Variants in NIPBL observed in about 807,000 individuals in gnomAD.
The protein encoded by NIPBL is nipped-B-like protein.
Under a neutral mutation model 321.8 loss-of-function variants are expected in NIPBL, and 19 were observed. The observed-to-expected ratio is 0.06, with a 90% CI of 0.04 to 0.09. NIPBL has a LOEUF of 0.09. NIPBL is among the 10% of genes least tolerant of loss of function. The pLI is 1.00. For missense variants in NIPBL, 2,210 were observed against 3,327.0 expected (o/e 0.66, Z 8.26); for synonymous variants, 1,106 against 1,114.1 (o/e 0.99, Z 0.14).
At chr5:36,886,613 A>G (rs542224701) in intron 1 of NIPBL, 1 of 531,274 alleles carries the variant, frequency 1.9e-6, no homozygotes, top group African/African-American at 1.9e-5. Flanking sequence ...AAATTTTTTT[A>G]ATATGTCAGG....
chr5:37,015,945 AAACTT>A (rs1352757800), intron 22 of NIPBL, 88 bp from the exon 23 acceptor site: 21 of 1,295,526 alleles, frequency 1.6e-5, no homozygotes, highest in East Asian at 4.6e-5. Flanking sequence ...AGAAAAAAGA[AAACTT>A]AGCTAACAAT....
intron 1 of NIPBL, among the ~76,000 whole-genome samples, chr5:36,878,521 G>A (rs1745267025): frequency 6.6e-6 from 1 of 152,200 alleles, no homozygotes; most frequent in Non-Finnish European, 1.5e-5. Flanking sequence ...ATTCGCTGAA[G>A]GAAAACTTTC....
intron 32 of NIPBL, among the ~76,000 whole-genome samples, chr5:37,035,065 G>A (rs1315081831): frequency 5.3e-5 from 8 of 152,178 alleles, no homozygotes; most frequent in Non-Finnish European, 8.8e-5. Context: ...TAAGGCAGGC[G>A]GATCACTTGA....
chr5:36,895,970 A>G (rs898107363), intron 1 of NIPBL, among the ~76,000 whole-genome samples: 14 of 152,242 alleles, frequency 9.2e-5, no homozygotes, highest in East Asian at 3.9e-4. Context: ...AAAGATCTCT[A>G]TTGTTTTCCT....
chr5:37,010,169 G>T lies in NIPBL; in HGVS notation c.4504G>T (p.Val1502Leu). The change falls in exon 21 of 47, where the codon GTA (valine) becomes TTA (leucine). Residue 1502 changes from valine (V) to leucine (L), a missense_variant. Around this residue, in one of 14 missense-constraint regions of NIPBL, gnomAD observed 381 missense variants for 642.3 expected, o/e 0.59. Coordinates refer to ENST00000282516, the MANE Select transcript of NIPBL (RefSeq NM_133433.4). The part of the protein sequence containing the change: ...ALVLQLIQCV[V>L]HLPSSEKDSN... Reference sequence around the variant, plus strand: ...GGTTTTACAACTTATTCAGTGTGTGGTACACTTACCATCATCAGAGAAGGA... The same window carrying T: ...GGTTTTACAACTTATTCAGTGTGTGTTACACTTACCATCATCAGAGAAGGA... The T allele has an allele frequency of 6.2e-7, 1 of 1,610,450 alleles. No individual in the cohort carries two copies. The highest frequency in any genetic ancestry group is 8.5e-7 in the Non-Finnish European group (1 of 1,176,826).
At chr5:36,960,380 A>G (rs1741478302) in intron 4 of NIPBL, among the ~76,000 whole-genome samples, 1 of 151,834 alleles carries the variant, frequency 6.6e-6, no homozygotes, top group Admixed American at 6.5e-5. Context: ...AGAAAAAAAA[A>G]AAAACCTCCA....
At chr5:36,889,746 A>C (rs1002920370) in intron 1 of NIPBL, among the ~76,000 whole-genome samples, 2 of 152,168 alleles carry the variant, frequency 1.3e-5, no homozygotes, top group South Asian at 4.1e-4. Context: ...TGTTTTATAA[A>C]AATTTTATAA....
rs148555006 is a variant in NIPBL at position 36,999,300 on chromosome 5, C to A, written c.3305-1073C>A. 4.1e-3 allele frequency among the ~76,000 whole-genome samples: 630 copies of A among 152,256 alleles called. 4 individuals carry two copies. Among genetic ancestry groups the A allele is most frequent in the African/African-American group, 0.015 (608 of 41,546 alleles). ...GATTCAGAAAAGAGCAGTTGCTAGT[C>A]AAATAACAGACTAGAAAGTTTATCA... On this transcript the variant is annotated intron_variant, in intron 11 of 46. Transcript: ENST00000282516.
At position 36,985,490 on chromosome 5, in the gene NIPBL, G is replaced by A. The variant is rs1294397303; in HGVS notation, c.2310G>A (p.Lys770=). 1.9e-6 allele frequency: 3 copies of A among 1,613,354 alleles called. No individual in the cohort carries two copies. Among genetic ancestry groups the A allele is most frequent in the African/African-American group, 2.7e-5 (2 of 74,790 alleles). Residue 770 remains lysine, a synonymous_variant, in exon 10 of 47, where the codon AAG becomes AAA. Coordinates refer to ENST00000282516, the MANE Select transcript of NIPBL (RefSeq NM_133433.4). ...HRHDNRRDSG[K]PSTEKKPEVS... is the part of the protein sequence containing the mutation. Reference sequence around the variant, plus strand: ...ATGACAATAGGAGGGATTCTGGAAAGCCATCTACAGAGAAAAAACCTGAAG... The same window carrying A: ...ATGACAATAGGAGGGATTCTGGAAAACCATCTACAGAGAAAAAACCTGAAG...
chr5:37,059,956 C>T (rs1399413089), intron 44 of NIPBL, among the ~76,000 whole-genome samples: 1 of 152,180 alleles, frequency 6.6e-6, no homozygotes, highest in East Asian at 1.9e-4. Context: ...GAATTTTGGT[C>T]ATTTTTTACA....
chr5:36,985,503 A>G lies in NIPBL; in HGVS notation c.2323A>G (p.Lys775Glu), dbSNP rs935425802. 1 of 1,613,474 alleles carries G rather than the reference A, an allele frequency of 6.2e-7. No homozygotes were observed. The highest frequency in any genetic ancestry group is 1.3e-5 in the African/African-American group (1 of 74,854). ...RRDSGKPSTE[K>E]KPEVSKHKQD... ...GGATTCTGGAAAGCCATCTACAGAGAAAAAACCTGAAGTGTCTAAACATAA... is the reference window on the plus strand; with the variant it reads ...GGATTCTGGAAAGCCATCTACAGAGGAAAAACCTGAAGTGTCTAAACATAA... The change falls in exon 10 of 47, where the codon AAA becomes GAA. Residue 775 changes from lysine to glutamate, a missense_variant. By Grantham distance (56) the Lys-to-Glu change is moderately conservative. This residue lies in a region of NIPBL where 588 missense variants were observed against 564.1 expected (regional missense o/e 1.04). Transcript: ENST00000282516.
intron 32 of NIPBL, among the ~76,000 whole-genome samples, chr5:37,035,753 C>T (rs1010257942): frequency 6.6e-6 from 1 of 152,072 alleles, no homozygotes; most frequent in Non-Finnish European, 1.5e-5. Flanking sequence ...TTCAATATCC[C>T]CAGAATTAGA....
intron 1 of NIPBL, among the ~76,000 whole-genome samples, chr5:36,907,196 T>A (rs1211009739): frequency 1.3e-5 from 2 of 152,210 alleles, no homozygotes; most frequent in African/African-American, 4.8e-5. Flanking sequence ...AAAGGTGATG[T>A]TATGCTCTCA....
intron 1 of NIPBL, among the ~76,000 whole-genome samples, chr5:36,927,793 A>G (rs374905671): frequency 4.6e-5 from 7 of 152,332 alleles, no homozygotes; most frequent in African/African-American, 1.7e-4. Flanking sequence ...AGAGAGGTCC[A>G]GGCTGGAGTC....
At chr5:36,998,028 C>T (rs950849813) in intron 11 of NIPBL, among the ~76,000 whole-genome samples, 2 of 151,936 alleles carry the variant, frequency 1.3e-5, no homozygotes, top group African/African-American at 4.8e-5. Context: ...ATGGCCATAG[C>T]ACAAATATAA....
chr5:37,008,181 C>T (rs979972364), intron 19 of NIPBL, 93 bp downstream of exon 19: 1 of 815,236 alleles, frequency 1.2e-6, no homozygotes, highest in Admixed American at 2.0e-5. Flanking sequence ...ATGAAGATAC[C>T]TGGTTTTCAG....
chr5:37,054,426 G>A (rs955425005), intron 42 of NIPBL, among the ~76,000 whole-genome samples: 1 of 152,142 alleles, frequency 6.6e-6, no homozygotes, highest in African/African-American at 2.4e-5. Flanking sequence ...ATAATGTAGT[G>A]CTTTTGCCCT....
intron 40 of NIPBL, among the ~76,000 whole-genome samples, chr5:37,049,610 A>T (rs766436041): frequency 1.3e-5 from 2 of 152,170 alleles, no homozygotes; most frequent in Non-Finnish European, 2.9e-5. Context: ...AAGATCCAAC[A>T]ATCTATAATG....
rs200533865 is a variant in NIPBL at position 37,022,465 on chromosome 5, TAA to T, written c.5574+76_5574+77del. The T allele has an allele frequency of 1.1e-4, 142 of 1,319,130 alleles. No individual in the cohort carries two copies. In the East Asian group the frequency reaches 3.3e-3, roughly 30 times the overall value. 81.7% of individuals were successfully genotyped at this position (1,319,130 alleles called of 1,614,324 possible). The stretch of plus-strand genomic sequence containing the variant: ...AGCATCATGTTTTGTTTTAAAGTGT[TAA>T]GTTAGAAAAATAAATGTACCAATTA... On this transcript the variant is annotated intron_variant, in intron 29 of 46. Coordinates refer to ENST00000282516, the MANE Select transcript of NIPBL (RefSeq NM_133433.4).
Sources: allele counts gnomAD v4.1 joint callset (sites outside exome capture counted in the v4.1 genomes callset), GRCh38; gene constraint gnomAD v4.1.1; regional missense constraint gnomAD v4.1.1; transcripts MANE v1.5; gene names NCBI Gene and HGNC (gene_info 2026-07-23, HGNC 2026-07-21).